PAM: variants seen among roughly 807,000 people sequenced by gnomAD.
PAM encodes peptidylglycine alpha-amidating monooxygenase.
Under a neutral mutation model 122.1 loss-of-function variants are expected in PAM, and 72 were observed. The ratio of observed to expected loss-of-function variants is 0.59; its 90% confidence interval spans 0.49 to 0.72. PAM has a LOEUF of 0.72. Ranked by LOEUF, PAM falls within the 30% of genes least tolerant of loss-of-function variation. PAM has a pLI of 0.00. For synonymous variants in PAM, 389 were observed against 404.4 expected, an observed-to-expected ratio of 0.96 and a Z score of 0.46; for missense variants, 1,106 against 1,183.7, an observed-to-expected ratio of 0.93 and a Z score of 0.96.
At chr5:102,842,070 G>A (rs759190928) in intron 1 of PAM, among the ~76,000 whole-genome samples, 2 of 151,762 alleles carry the variant, frequency 1.3e-5, no homozygotes, top group African/African-American at 2.4e-5. Context: ...AAACATTATC[G>A]ACAAAAATGA....
chr5:102,956,463 T>TAA (rs1760785633), intron 12 of PAM, among the ~76,000 whole-genome samples: 1 of 152,142 alleles, frequency 6.6e-6, no homozygotes, highest in African/African-American at 2.4e-5. Context: ...TTTAAAATAA[T>TAA]AAAGTGTGAT....
chr5:103,017,522 C>G, intron 22 of PAM, 89 bp downstream of exon 22: 1 of 805,992 alleles, frequency 1.2e-6, no homozygotes, highest in Non-Finnish European at 2.2e-6. Flanking sequence ...ATTTCCTTAT[C>G]TTTTTACTGA....
chr5:102,990,236 T>G (rs1187457864), intron 15 of PAM, 36 bp from the exon 16 acceptor site: 1 of 1,465,964 alleles, frequency 6.8e-7, no homozygotes, highest in Admixed American at 2.2e-5. Flanking sequence ...ATTCGACCTT[T>G]CCCTTTTACA....
At chr5:103,000,667 C>A (rs973707288) in intron 16 of PAM, among the ~76,000 whole-genome samples, 10 of 152,136 alleles carry the variant, frequency 6.6e-5, no homozygotes, top group Middle Eastern at 3.2e-3. Flanking sequence ...AGGAAACTTA[C>A]AATCAGGCAG....
At chr5:102,786,229 G>T (rs1326343613) in intron 1 of PAM, among the ~76,000 whole-genome samples, 1 of 152,190 alleles carries the variant, frequency 6.6e-6, no homozygotes, top group East Asian at 1.9e-4. Context: ...GCCAGACTGA[G>T]CTCTGTCCAC....
chr5:102,909,201 CTT>C (rs1800639483), intron 4 of PAM, among the ~76,000 whole-genome samples: 1 of 151,666 alleles, frequency 6.6e-6, no homozygotes, highest in Non-Finnish European at 1.5e-5. Flanking sequence ...AATACTGACT[CTT>C]TATCATAGAT....
chr5:102,911,724 TC>T (rs1801471340), intron 4 of PAM, among the ~76,000 whole-genome samples: 1 of 152,012 alleles, frequency 6.6e-6, no homozygotes, highest in South Asian at 2.1e-4. Context: ...CTTACCTGAA[TC>T]TTTTGCTTAT....
At chr5:102,969,086 C>T (rs1342264916) in intron 14 of PAM, among the ~76,000 whole-genome samples, 1 of 148,968 alleles carries the variant, frequency 6.7e-6, no homozygotes, top group East Asian at 2.0e-4. Context: ...CAGTGCCTGT[C>T]GGGGGGTAGG....
intron 7 of PAM, among the ~76,000 whole-genome samples, chr5:102,930,885 T>G (rs1284795272): frequency 6.6e-6 from 1 of 152,216 alleles, no homozygotes; most frequent in African/African-American, 2.4e-5. Context: ...GTACTCTAAT[T>G]AGAAATGAAT....
At chr5:102,949,704 AGTCT>A (rs775952691) in intron 10 of PAM, 87 bp downstream of exon 10, 281 of 785,210 alleles carry the variant, frequency 3.6e-4, no homozygotes, top group Non-Finnish European at 5.8e-4. Context: ...TTTGACCTTA[AGTCT>A]GTTTCAATGA....
chr5:102,817,240 G>A (rs1055737798), intron 1 of PAM, among the ~76,000 whole-genome samples: 2 of 151,826 alleles, frequency 1.3e-5, no homozygotes, highest in Non-Finnish European at 2.9e-5. Flanking sequence ...TGAACATTAG[G>A]TTGCTACCCT....
At chr5:102,761,877 G>C (rs74370878) in intron 1 of PAM, among the ~76,000 whole-genome samples, 3,986 of 152,202 alleles carry the variant, frequency 0.026, 115 homozygotes, top group African/African-American at 0.071. Context: ...ATGTATACCT[G>C]TTATTTACAT....
chr5:102,807,983 C>A (rs973788425), intron 1 of PAM: 1 of 152,202 alleles, frequency 6.6e-6, no homozygotes, highest in Admixed American at 6.5e-5. Context: ...ACCTTCATTT[C>A]CTACTTAGCA....
At chr5:103,014,597 C>T (rs981008085) in intron 21 of PAM, among the ~76,000 whole-genome samples, 6 of 152,114 alleles carry the variant, frequency 3.9e-5, no homozygotes, top group East Asian at 1.9e-4. Context: ...TTCCTCTTCA[C>T]GATGAAGGTC....
At chr5:102,785,952 G>A (rs1193651574) in intron 1 of PAM, among the ~76,000 whole-genome samples, 4 of 152,032 alleles carry the variant, frequency 2.6e-5, no homozygotes, top group South Asian at 2.1e-4. Context: ...CAAAGATGTT[G>A]AACTTTACAC....
At chr5:102,803,724 A>G (rs77560386) in intron 1 of PAM, among the ~76,000 whole-genome samples, 1 of 152,320 alleles carries the variant, frequency 6.6e-6, no homozygotes, top group East Asian at 1.9e-4. Flanking sequence ...CACCTTAGAA[A>G]AATAGGATAT....
chr5:102,831,825 G>T (rs112874728), intron 1 of PAM, among the ~76,000 whole-genome samples: 91 of 152,018 alleles, frequency 6.0e-4, no homozygotes, highest in African/African-American at 2.1e-3. Flanking sequence ...CTAAGAAAAT[G>T]TTATGGCATT....
rs182587622 is a variant in PAM at position 102,889,587 on chromosome 5, T to C, written c.211-11769T>C. Among the ~76,000 whole-genome samples the C allele has an allele frequency of 1.3e-3, 202 of 152,072 alleles. 2 individuals carry two copies. The highest frequency in any genetic ancestry group is 4.8e-3 in the African/African-American group (199 of 41,536). ...GTCTTCTATTTTTTTTAATGGAACA[T>C]TGATATCATTTAAATATTAACTATA... On this transcript the variant is annotated intron_variant, in intron 3 of 25. Coordinates refer to ENST00000438793, the MANE Select transcript of PAM (RefSeq NM_001177306.2).
intron 1 of PAM, among the ~76,000 whole-genome samples, chr5:102,791,558 C>T (rs1296797925): frequency 6.6e-6 from 1 of 151,980 alleles, no homozygotes; most frequent in Non-Finnish European, 1.5e-5. Flanking sequence ...AAGACATTAA[C>T]CCAGTTGTAT....
Sources: gnomAD v4.1 joint callset for allele counts (sites outside exome capture counted in the v4.1 genomes callset) on GRCh38, gnomAD v4.1.1 for gene constraint, MANE v1.5 for transcripts, NCBI Gene and HGNC (gene_info 2026-07-23, HGNC 2026-07-21) for gene names.